The following CHSY3 variants were observed in gnomAD, a reference collection of about 807,000 sequenced individuals.
CHSY3 encodes N-acetylgalactosaminyl-proteoglycan 3-beta-glucuronosyltransferase 3.
Under a neutral mutation model 67.2 loss-of-function variants are expected in CHSY3, and 35 were observed. That is an observed-to-expected ratio of 0.52 (90% confidence interval 0.40 to 0.69). CHSY3 has a LOEUF of 0.69. Ranked by LOEUF, CHSY3 falls within the 30% of genes least tolerant of loss-of-function variation. The pLI is 0.00. For synonymous variants in CHSY3, 474 were observed against 434.7 expected (o/e 1.09, Z -1.12); for missense variants, 1,069 against 1,138.5 (o/e 0.94, Z 0.88).
At chr5:130,165,083 A>G (rs1172762578) in intron 2 of CHSY3, among the ~76,000 whole-genome samples, 2 of 152,286 alleles carry the variant, frequency 1.3e-5, no homozygotes, top group East Asian at 3.9e-4. Flanking sequence ...TTTTTATTCT[A>G]CAGTCATCTA....
intron 2 of CHSY3, among the ~76,000 whole-genome samples, chr5:129,928,247 G>A (rs941605376): frequency 1.5e-5 from 2 of 135,946 alleles, no homozygotes; most frequent in African/African-American, 5.6e-5. Context: ...GATCATTAGA[G>A]GGAGAAAATA....
At chr5:129,926,194 A>C (rs998992799) in intron 2 of CHSY3, among the ~76,000 whole-genome samples, 2 of 151,998 alleles carry the variant, frequency 1.3e-5, no homozygotes, top group African/African-American at 4.8e-5. Context: ...CACGAACCAA[A>C]GTTCTTTTTA....
At chr5:130,111,351 C>G (rs1202934263) in intron 2 of CHSY3, among the ~76,000 whole-genome samples, 2 of 152,194 alleles carry the variant, frequency 1.3e-5, no homozygotes, top group South Asian at 4.1e-4. Context: ...GGTGGATTAT[C>G]TGAAACTATA....
intron 2 of CHSY3, among the ~76,000 whole-genome samples, chr5:130,089,114 T>C (rs1038146961): frequency 6.0e-5 from 9 of 150,580 alleles, no homozygotes; most frequent in African/African-American, 1.2e-4. Context: ...CAGTAAACTA[T>C]TGCAAGGACA....
Position 130,135,270 on chromosome 5 carries a change from G to GTATA in CHSY3, c.1087-48948_1087-48945dup, listed in dbSNP as rs148761971. On this transcript the variant is annotated intron_variant, in intron 2 of 2. Transcript: ENST00000305031. ...ATATGTATAAGTTTAATAAGTGTGT[G>GTATA]TATATATATATATACACACACACAC... is the stretch of plus-strand genomic sequence containing the variant. Among the ~76,000 whole-genome samples the GTATA allele has an allele frequency of 1.1e-4, 17 of 149,652 alleles. No individual in the cohort carries two copies. In the East Asian group the frequency reaches 1.4e-3, roughly 12 times the overall value.
At chr5:130,013,494 G>C (rs1342221152) in intron 2 of CHSY3, among the ~76,000 whole-genome samples, 2 of 152,164 alleles carry the variant, frequency 1.3e-5, no homozygotes, top group Non-Finnish European at 2.9e-5. Context: ...TCTAAGTGGA[G>C]GTTCCCCAAC....
At chr5:130,035,286 A>G (rs567714244) in intron 2 of CHSY3, among the ~76,000 whole-genome samples, 1 of 152,230 alleles carries the variant, frequency 6.6e-6, no homozygotes, top group Non-Finnish European at 1.5e-5. Flanking sequence ...TTTTTAATTT[A>G]GAACCCATGG....
chr5:130,035,375 G>T (rs1043390601), intron 2 of CHSY3, among the ~76,000 whole-genome samples: 2 of 152,070 alleles, frequency 1.3e-5, no homozygotes, highest in African/African-American at 4.8e-5. Context: ...GGTATAAACA[G>T]CCAAAAACAT....
chr5:129,917,822 C>A (rs1044469705), intron 2 of CHSY3, among the ~76,000 whole-genome samples: 2 of 152,152 alleles, frequency 1.3e-5, no homozygotes, highest in African/African-American at 4.8e-5. Context: ...TGCTGGACCC[C>A]ACCCTTCATC....
chr5:129,986,724 C>G (rs1246731496), intron 2 of CHSY3, among the ~76,000 whole-genome samples: 3 of 152,156 alleles, frequency 2.0e-5, no homozygotes, highest in Non-Finnish European at 4.4e-5. Context: ...TTCACTGCAG[C>G]CTCCATCTCC....
intron 2 of CHSY3, among the ~76,000 whole-genome samples, chr5:129,953,786 AGTGTCT>A (rs1382044547): frequency 6.6e-5 from 10 of 152,088 alleles, no homozygotes; most frequent in Admixed American, 6.5e-4. Context: ...TCTTTTGAGA[AGTGTCT>A]GTTCATATCC....
Position 130,184,308 on chromosome 5 carries a change from C to G in CHSY3, c.1166C>G (p.Ala389Gly), listed in dbSNP as rs141425789. The G allele has an allele frequency of 3.1e-6, 5 of 1,613,600 alleles. No homozygotes were observed. The African/African-American group carries it at 5.3e-5, about 17-fold the overall frequency. Reference sequence around the variant, plus strand: ...GACCTTCACAATAGCAAAATCCATGCAGCCATAACACTTCATCCCAACAAA... The same window carrying G: ...GACCTTCACAATAGCAAAATCCATGGAGCCATAACACTTCATCCCAACAAA... The part of the protein sequence containing the change: ...IQDLHNSKIH[A>G]AITLHPNKRP... Residue 389 changes from alanine to glycine, a missense_variant, in exon 3 of 3, where the codon GCA (alanine) becomes GGA (glycine). Physicochemically the swap from Ala to Gly is moderately conservative, Grantham distance 60. This residue lies in a region of CHSY3 where 216 missense variants were observed against 311.5 expected (regional missense o/e 0.69). Coordinates refer to ENST00000305031, the MANE Select transcript of CHSY3 (RefSeq NM_175856.5).
At chr5:130,044,707 A>G (rs1249194492) in intron 2 of CHSY3, among the ~76,000 whole-genome samples, 1 of 152,046 alleles carries the variant, frequency 6.6e-6, no homozygotes, top group Middle Eastern at 3.2e-3. Flanking sequence ...GAGGCGGGAT[A>G]TTTTTCTAAG....
chr5:130,049,385 A>T (rs1243397013), intron 2 of CHSY3, among the ~76,000 whole-genome samples: 1 of 152,048 alleles, frequency 6.6e-6, no homozygotes, highest in Non-Finnish European at 1.5e-5. Context: ...CTCTTATGAA[A>T]GAAAATTTAT....
intron 2 of CHSY3, among the ~76,000 whole-genome samples, chr5:129,908,921 G>C (rs1760429984): frequency 6.6e-6 from 1 of 152,048 alleles, no homozygotes; most frequent in Non-Finnish European, 1.5e-5. Context: ...TCCAATCACT[G>C]TATTTCCTTA....
At chr5:129,980,837 G>T (rs371332580) in intron 2 of CHSY3, among the ~76,000 whole-genome samples, 1 of 152,194 alleles carries the variant, frequency 6.6e-6, no homozygotes, top group South Asian at 2.1e-4. Flanking sequence ...TTCGTATGTG[G>T]ATGTCCAGTT....
At chr5:130,065,951 C>A (rs1765869938) in intron 2 of CHSY3, among the ~76,000 whole-genome samples, 1 of 152,066 alleles carries the variant, frequency 6.6e-6, no homozygotes, top group Non-Finnish European at 1.5e-5. Flanking sequence ...AAGATCTCCC[C>A]AGCCTGCTTT....
intron 2 of CHSY3, among the ~76,000 whole-genome samples, chr5:129,989,292 G>C (rs569610866): frequency 7.5e-6 from 1 of 133,710 alleles, no homozygotes; most frequent in Non-Finnish European, 1.5e-5. Flanking sequence ...ACAGAGTTTC[G>C]CTCTTGTTGC....
chr5:129,958,399 T>C (rs900402087), intron 2 of CHSY3, among the ~76,000 whole-genome samples: 5 of 152,098 alleles, frequency 3.3e-5, no homozygotes, highest in African/African-American at 1.2e-4. Context: ...AGGAAGGATA[T>C]GAGCGTATTT....
Sources: gnomAD v4.1 joint callset for allele counts (sites outside exome capture counted in the v4.1 genomes callset) on GRCh38, gnomAD v4.1.1 for gene constraint, gnomAD v4.1.1 regional missense constraint, MANE v1.5 for transcripts, NCBI Gene and HGNC (gene_info 2026-07-23, HGNC 2026-07-21) for gene names.